EIF2B5: variants seen among roughly 807,000 people sequenced by gnomAD.
EIF2B5 encodes the protein translation initiation factor eIF2B subunit epsilon.
In EIF2B5, 38 loss-of-function variants were observed where a neutral mutation model predicts 87.3. The ratio of observed to expected loss-of-function variants is 0.44; its 90% CI spans 0.34 to 0.57. EIF2B5 has a LOEUF of 0.57. Ranked by LOEUF, EIF2B5 falls within the 20% of genes least tolerant of loss-of-function variation. EIF2B5 has a pLI of 0.02. For synonymous variants in EIF2B5, 313 were observed against 339.6 expected, an observed-to-expected ratio of 0.92 and a Z score of 0.86; for missense variants, 784 against 909.5, an observed-to-expected ratio of 0.86 and a Z score of 1.78.
intron 5 of EIF2B5, 110 bp downstream of exon 5, chr3:184,138,356 A>G (rs1173164317): frequency 1.8e-6 from 2 of 1,082,060 alleles, no homozygotes; most frequent in East Asian, 4.8e-5. Context: ...TATTTTCATT[A>G]TTTTTACTTT....
chr3:184,144,246 A>G (rs1166262415), intron 14 of EIF2B5, 22 bp downstream of exon 14: 1 of 1,613,542 alleles, frequency 6.2e-7, no homozygotes, highest in Non-Finnish European at 8.5e-7. Flanking sequence ...CTCAAGCCCC[A>G]TTCTTCTGCA....
At position 184,144,965 on chromosome 3, in the gene EIF2B5, G is replaced by T. The variant is rs1026746589; in HGVS notation, c.*22G>T. On this transcript the variant is annotated 3_prime_UTR_variant, in exon 16 of 16. Transcript: ENST00000648915. ...CTGAAGTCACACTGCCTGCTCCTTT[G>T]GGTGTGATTGAGTGCCCTCCTGGCT... is the stretch of plus-strand genomic sequence containing the variant. The T allele has an allele frequency of 6.2e-7, 1 of 1,612,124 alleles. No homozygotes were observed. Among genetic ancestry groups the T allele is most frequent in the Admixed American group, 1.7e-5 (1 of 59,970 alleles).
At position 184,135,477 on chromosome 3, in the gene EIF2B5, G is replaced by A. The variant is rs767755812; in HGVS notation, c.92G>A (p.Gly31Glu). The change falls in exon 1 of 16, where the codon GGA becomes GAA. Residue 31 changes from glycine to glutamate, a missense_variant. Transcript: ENST00000648915. Reference protein sequence around the residue: ...GAGPGGSGGGGARGAEEEPPP... With the variant: ...GAGPGGSGGGEARGAEEEPPP... ...GGGCCGGGAGGCAGCGGTGGCGGGG[G>A]AGCCAGAGGGGCGGAGGAGGAACCG... The A allele has an allele frequency of 1.1e-5, 17 of 1,579,990 alleles. No homozygotes were observed. The highest frequency in any genetic ancestry group is 1.2e-5 in the Non-Finnish European group (14 of 1,163,906).
chr3:184,144,339 C>T, intron 14 of EIF2B5, 115 bp downstream of exon 14: 1 of 1,504,034 alleles, frequency 6.6e-7, no homozygotes. Flanking sequence ...CCATCCACTC[C>T]CAATATGCTT....
Position 184,137,899 on chromosome 3 carries a change from T to C in EIF2B5, c.508T>C (p.Leu170=), listed in dbSNP as rs1175575964. Residue 170 remains leucine (L), a splice_region_variant and synonymous_variant, in exon 4 of 16, where the codon TTG becomes CTG. Coordinates refer to ENST00000648915, the MANE Select transcript of EIF2B5 (RefSeq NM_003907.3). The stretch of plus-strand genomic sequence containing the variant: ...TTCTGTCCCTCCTGTCCTTTATAGG[T>C]TGAGACGGAAGCTAGAAAAAAATGT... The part of the protein sequence containing the change: ...NITRALEEHR[L]RRKLEKNVSV... The C allele has an allele frequency of 6.2e-7, 1 of 1,614,182 alleles. No homozygotes were observed. Among genetic ancestry groups the C allele is most frequent in the Non-Finnish European group, 8.5e-7 (1 of 1,180,046 alleles).
At chr3:184,143,831 G>A (rs572182070) in intron 13 of EIF2B5, 2 of 671,562 alleles carry the variant, frequency 3.0e-6, no homozygotes, top group South Asian at 3.7e-5. Context: ...AGACTCTATG[G>A]CAGCAATTTG....
intron 12 of EIF2B5, 52 bp downstream of exon 12, chr3:184,143,194 G>C: frequency 6.3e-7 from 1 of 1,586,542 alleles, no homozygotes; most frequent in Non-Finnish European, 8.6e-7. Context: ...GAAGGTAGAG[G>C]CTTTCTCGTA....
chr3:184,138,400 A>C (rs1021146139), intron 5 of EIF2B5, among the ~76,000 whole-genome samples, 154 bp downstream of exon 5: 3 of 152,138 alleles, frequency 2.0e-5, no homozygotes, highest in Admixed American at 1.3e-4. Context: ...TCTGTTGCCC[A>C]GGCTGGAGTG....
At position 184,140,642 on chromosome 3, in the gene EIF2B5, A is replaced by G; in HGVS notation, c.1068A>G (p.Leu356=). The change falls in exon 7 of 16, where the codon CTA becomes CTG. Residue 356 remains leucine (L), a synonymous_variant. Transcript: ENST00000648915. ...TCAGCCTGGGCCATGGCAGCATCCT[A>G]GAGGAAAATGTGCTCCTGGGCTCTG... The part of the protein sequence containing the change: ...PEVSLGHGSI[L]EENVLLGSGT... The G allele has an allele frequency of 6.2e-7, 1 of 1,614,128 alleles. No homozygotes were observed. Among genetic ancestry groups the G allele is most frequent in the Non-Finnish European group, 8.5e-7 (1 of 1,180,018 alleles).
Position 184,140,127 on chromosome 3 carries a change from C to T in EIF2B5, c.813C>T (p.Asp271=). 6.2e-7 allele frequency: 1 copy of T among 1,613,770 alleles called. No individual in the cohort carries two copies. The highest frequency in any genetic ancestry group is 8.5e-7 in the Non-Finnish European group (1 of 1,179,820). ...ACTTTGACTACCAAACTCGAGATGA[C>T]TTTGTGCGAGGTCTCTTAGTGAATG... ...TDNFDYQTRD[D]FVRGLLVNEE... is the part of the protein sequence containing the mutation. Residue 271 remains aspartate, a synonymous_variant, in exon 6 of 16, where the codon GAC becomes GAT. Transcript: ENST00000648915.
In EIF2B5 at chr3:184,143,652, T is replaced by A. The variant is rs571502642; in HGVS notation, c.1869+87T>A. 10 of 1,596,206 alleles carry A rather than the reference T, an allele frequency of 6.3e-6. No homozygotes were observed. In the South Asian group the frequency reaches 1.0e-4, roughly 16 times the overall value. On this transcript the variant is annotated intron_variant, in intron 13 of 15. Transcript: ENST00000648915. ...ACTGTCTTGTTATATTGGGTGTATG[T>A]CACTTCTGGTTCCTTTTTCCTTGCC...
rs148090022 is a variant in EIF2B5, at chr3:184,144,860, G to A, written c.2107-24G>A. 249 of 1,612,740 alleles carry A rather than the reference G, an allele frequency of 1.5e-4. 2 individuals carry two copies. The East Asian group carries it at 4.6e-3, about 30-fold the overall frequency. ...AGAGTTATGTGCACCTCCCCCAGCC[G>A]ATCTCTCCTCTGCTTCTTTACAGCT... On this transcript the variant is annotated intron_variant, in intron 15 of 15. Coordinates refer to ENST00000648915, the MANE Select transcript of EIF2B5 (RefSeq NM_003907.3).
intron 13 of EIF2B5, 118 bp from the exon 14 acceptor site, chr3:184,143,981 C>T: frequency 6.7e-7 from 1 of 1,488,998 alleles, no homozygotes; most frequent in Non-Finnish European, 9.3e-7. Flanking sequence ...GACATAATTC[C>T]ACAGAACCTG....
At chr3:184,135,889 T>G in intron 1 of EIF2B5, 1 of 456,256 alleles carries the variant, frequency 2.2e-6, no homozygotes, top group Non-Finnish European at 3.9e-6. Context: ...CTGCGCCGCT[T>G]TTAACCTTGC....
intron 15 of EIF2B5, 30 bp downstream of exon 15, chr3:184,144,737 A>G: frequency 1.2e-6 from 2 of 1,603,930 alleles, no homozygotes; most frequent in Non-Finnish European, 8.5e-7. Context: ...TCTCGCCAAG[A>G]TGGTTATCTC....
At chr3:184,139,754 A>G (rs1050709460) in intron 5 of EIF2B5, among the ~76,000 whole-genome samples, 4 of 151,346 alleles carry the variant, frequency 2.6e-5, no homozygotes, top group African/African-American at 9.7e-5. Context: ...GTGGTGGCTC[A>G]CGCTTGTAAT....
At chr3:184,137,271 G>A (rs1212763868) in intron 2 of EIF2B5, 1 of 406,058 alleles carries the variant, frequency 2.5e-6, no homozygotes, top group African/African-American at 2.0e-5. Context: ...GTTCCTAAAT[G>A]TTATATGGAT....
chr3:184,137,497 T>G, intron 2 of EIF2B5, 123 bp from the exon 3 acceptor site: 1 of 907,766 alleles, frequency 1.1e-6, no homozygotes, highest in Non-Finnish European at 1.8e-6. Context: ...TTGAAGACGC[T>G]GGCAAGAACC....
At position 184,143,503 on chromosome 3, in the gene EIF2B5, T is replaced by G. The variant is rs1196960014; in HGVS notation, c.1807T>G (p.Phe603Val). 1.9e-6 allele frequency: 3 copies of G among 1,614,140 alleles called. No individual in the cohort carries two copies. The highest frequency in any genetic ancestry group is 2.2e-5 in the East Asian group (1 of 44,876). The change falls in exon 13 of 16, where the codon TTC becomes GTC. Residue 603 changes from phenylalanine (F) to valine (V), a missense_variant. Phe to Val is a conservative substitution (Grantham distance 50). Around this residue, in one of 3 missense-constraint regions of EIF2B5, gnomAD observed 660 missense variants for 789.5 expected, o/e 0.84. Coordinates refer to ENST00000648915, the MANE Select transcript of EIF2B5 (RefSeq NM_003907.3). ...MQVLSHVVLE[F>V]PLQQMDSPLD... ...GGTACTGAGCCACGTGGTCCTGGAG[T>G]TCCCCCTGCAACAGATGGATTCCCC...
Sources: gnomAD v4.1 joint callset for allele counts (sites outside exome capture counted in the v4.1 genomes callset) on GRCh38, gnomAD v4.1.1 for gene constraint, gnomAD v4.1.1 regional missense constraint, MANE v1.5 for transcripts, NCBI Gene and HGNC (gene_info 2026-07-23, HGNC 2026-07-21) for gene names.